The following SLC38A9 variants were observed in gnomAD, a reference collection of about 807,000 sequenced individuals.
SLC38A9 encodes the protein solute carrier family 38 member 9, also known as neutral amino acid transporter 9.
A neutral mutation model predicts 62.3 loss-of-function variants in SLC38A9; 48 were observed. The observed-to-expected ratio is 0.77, with a 90% CI of 0.61 to 0.98. The LOEUF (loss-of-function observed/expected upper bound fraction) is 0.98. SLC38A9 is among the 50% of genes least tolerant of loss of function. The pLI is 0.00. For missense variants in SLC38A9, 541 were observed against 679.8 expected (o/e 0.80, Z 2.27); for synonymous variants, 204 against 227.7 (o/e 0.90, Z 0.94).
intron 8 of SLC38A9, among the ~76,000 whole-genome samples, chr5:55,660,978 TA>T (rs35504765): frequency 0.6 from 90,256 of 149,326 alleles, 28,068 homozygotes; most frequent in South Asian, 0.7. Context: ...TTTTTTATAA[TA>T]AAAACTGCAT....
intron 14 of SLC38A9, among the ~76,000 whole-genome samples, chr5:55,630,952 C>T (rs1034543210): frequency 2.0e-5 from 3 of 151,880 alleles, no homozygotes; most frequent in South Asian, 4.1e-4. Context: ...CCCAACATGG[C>T]GAAACACCAT....
chr5:55,653,471 A>C (rs1035481117), intron 9 of SLC38A9, among the ~76,000 whole-genome samples: 1 of 152,162 alleles, frequency 6.6e-6, no homozygotes. Flanking sequence ...TTAACAACAA[A>C]CAAAATCTAT....
chr5:55,693,235 T>G lies in SLC38A9; in HGVS notation c.113+4611A>C, dbSNP rs201739134. 14 of 152,596 alleles carry G rather than the reference T, an allele frequency of 9.2e-5. No homozygotes were observed. In the East Asian group the frequency reaches 2.5e-3, roughly 27 times the overall value. 9.5% of individuals were successfully genotyped at this position (152,596 alleles called of 1,614,324 possible). ...CAGTTTCCTATTTACTACCCAAAAC[T>G]TCATTTATACATATTATATTTATTT... On this transcript the variant is annotated intron_variant, in intron 3 of 15. Transcript: ENST00000396865.
intron 3 of SLC38A9, among the ~76,000 whole-genome samples, chr5:55,683,369 T>A (rs1753309738): frequency 1.3e-5 from 2 of 152,190 alleles, no homozygotes; most frequent in Non-Finnish European, 2.9e-5. Context: ...ACTACCAAGG[T>A]AATTTAAACA....
chr5:55,642,173 G>A (rs1190651287), intron 12 of SLC38A9, among the ~76,000 whole-genome samples: 1 of 152,126 alleles, frequency 6.6e-6, no homozygotes, highest in Non-Finnish European at 1.5e-5. Context: ...AGCCTCCTGA[G>A]TAGTGGGGAC....
chr5:55,672,133 T>C (rs1159522457), intron 4 of SLC38A9, among the ~76,000 whole-genome samples: 1 of 152,072 alleles, frequency 6.6e-6, no homozygotes, highest in Non-Finnish European at 1.5e-5. Flanking sequence ...ATTACAGGAG[T>C]GAGTCACTGT....
At chr5:55,677,926 T>TGTGTGTGTGTGTG (rs1554062822) in intron 3 of SLC38A9, among the ~76,000 whole-genome samples, 6,868 of 112,132 alleles carry the variant, frequency 0.061, 762 homozygotes, top group South Asian at 0.11. Context: ...TTTTTCTTTA[T>TGTGTGTGTGTGTG]TGTGTGTGTG....
At chr5:55,691,215 A>G in intron 3 of SLC38A9, 1 of 960,548 alleles carries the variant, frequency 1.0e-6, no homozygotes, top group Non-Finnish European at 1.6e-6. Flanking sequence ...AAATGCAAAT[A>G]GCCATGGAAA....
chr5:55,694,211 A>C (rs1159317707), intron 3 of SLC38A9: 1 of 268,820 alleles, frequency 3.7e-6, no homozygotes, highest in Admixed American at 3.9e-5. Flanking sequence ...CTGTCTCAAA[A>C]AAAAAAAAAA....
chr5:55,645,650 C>T lies in SLC38A9; in HGVS notation c.1167+139G>A, dbSNP rs545860785. The T allele has an allele frequency of 1.1e-4, 71 of 670,746 alleles. No individual in the cohort carries two copies. The East Asian group carries it at 1.6e-3, about 15-fold the overall frequency. 41.5% of individuals were successfully genotyped at this position (670,746 alleles called of 1,614,324 possible). On this transcript the variant is annotated intron_variant, in intron 12 of 15. Transcript: ENST00000396865. ...TTACAGAAAAATTTGCTGACGACTGCTCTATGGTTTAAGTTTAAAAATTAA... is the reference window on the plus strand; with the variant it reads ...TTACAGAAAAATTTGCTGACGACTGTTCTATGGTTTAAGTTTAAAAATTAA...
chr5:55,681,042 T>C (rs1167446140), intron 3 of SLC38A9, among the ~76,000 whole-genome samples: 1 of 152,224 alleles, frequency 6.6e-6, no homozygotes, highest in African/African-American at 2.4e-5. Context: ...AAAAAAGTAG[T>C]GCTAGAAAGT....
chr5:55,626,460 C>A lies in SLC38A9; in HGVS notation c.*34G>T, dbSNP rs1407006965. The A allele has an allele frequency of 6.4e-7, 1 of 1,571,420 alleles. No homozygotes were observed. The highest frequency in any genetic ancestry group is 8.7e-7 in the Non-Finnish European group (1 of 1,150,382). ...GAACTGTTGTCAAGGCTCAAAATAT[C>A]ATGAGAGCTCTTGAAAAAAACAGTT... On this transcript the variant is annotated 3_prime_UTR_variant, in exon 16 of 16. Transcript: ENST00000396865.
At chr5:55,630,220 TA>T (rs1460464217) in intron 14 of SLC38A9, among the ~76,000 whole-genome samples, 1 of 152,210 alleles carries the variant, frequency 6.6e-6, no homozygotes, top group Non-Finnish European at 1.5e-5. Flanking sequence ...CAGGATATTA[TA>T]ACATGGAATG....
chr5:55,676,903 T>C (rs115712075), intron 3 of SLC38A9, among the ~76,000 whole-genome samples: 1,609 of 152,154 alleles, frequency 0.011, 25 homozygotes, highest in African/African-American at 0.037. Context: ...TGTTTAGAAA[T>C]GTTTCCATTG....
chr5:55,687,208 G>A (rs1371904418), intron 3 of SLC38A9, among the ~76,000 whole-genome samples: 1 of 151,154 alleles, frequency 6.6e-6, no homozygotes, highest in African/African-American at 2.4e-5. Context: ...GGGAGGCCGA[G>A]GCGGGCGGAT....
At chr5:55,664,505 A>T in intron 8 of SLC38A9, 188 bp downstream of exon 8, 1 of 321,806 alleles carries the variant, frequency 3.1e-6, no homozygotes, top group Non-Finnish European at 5.6e-6. Context: ...ATGTTTGGAA[A>T]TAAGCATACA....
At chr5:55,637,324 C>T (rs1366396163) in intron 12 of SLC38A9, among the ~76,000 whole-genome samples, 7 of 152,230 alleles carry the variant, frequency 4.6e-5, no homozygotes, top group Non-Finnish European at 5.9e-5. Context: ...TGGTGCACAG[C>T]TTCCAACAAG....
Position 55,695,109 on chromosome 5 carries a change from A to G in SLC38A9, c.113+2737T>C, listed in dbSNP as rs184808246. On this transcript the variant is annotated intron_variant, in intron 3 of 15. Transcript: ENST00000396865. ...ACTCTAAGTCCTAAGAGGTTATTGC[A>G]TCAGAGTTATGGGCAGCAGTTTTTC... Among the ~76,000 whole-genome samples, 4 of 151,206 alleles carry G rather than the reference A, an allele frequency of 2.6e-5. No homozygotes were observed. The East Asian group carries it at 7.8e-4, about 30-fold the overall frequency.
At chr5:55,654,924 A>G (rs189586449) in intron 9 of SLC38A9, among the ~76,000 whole-genome samples, 29 of 152,146 alleles carry the variant, frequency 1.9e-4, no homozygotes, top group African/African-American at 6.5e-4. Flanking sequence ...TGTAGCCTCA[A>G]CCCCTCAGGC....
Sources: allele counts gnomAD v4.1 joint callset (sites outside exome capture counted in the v4.1 genomes callset), GRCh38; gene constraint gnomAD v4.1.1; transcripts MANE v1.5; gene names NCBI Gene and HGNC (gene_info 2026-07-23, HGNC 2026-07-21).